Variants in PHF24 observed in about 807,000 individuals in gnomAD.
PHF24 encodes PHD finger protein 24.
PHF24 carries 25 observed loss-of-function variants against 42.6 expected under a neutral mutation model. The ratio of observed to expected loss-of-function variants is 0.59; its 90% CI spans 0.43 to 0.82. PHF24 has a LOEUF of 0.82. PHF24 is among the 40% of genes least tolerant of loss of function. The probability of loss-of-function intolerance (pLI) is 0.00; values close to 1 mark genes in which losing one functional copy is unlikely to be tolerated. For missense variants in PHF24, 470 were observed against 538.1 expected, an observed-to-expected ratio of 0.87 and a Z score of 1.25; for synonymous variants, 185 against 204.8, an observed-to-expected ratio of 0.90 and a Z score of 0.83.
chr9:34,940,063 T>A, the PHF24 span, among the ~76,000 whole-genome samples: 3 of 151,766 alleles, frequency 2.0e-5, no homozygotes, highest in Non-Finnish European at 4.4e-5. Flanking sequence ...AAAACACAGA[T>A]AAGACAGCTC....
At chr9:34,804,550 A>G in the PHF24 span, among the ~76,000 whole-genome samples, 1 of 152,162 alleles carries the variant, frequency 6.6e-6, no homozygotes, top group African/African-American at 2.4e-5. Flanking sequence ...GACTGTTTTT[A>G]TCTACATTAT....
chr9:34,765,583 C>G, the PHF24 span, among the ~76,000 whole-genome samples: 1 of 147,930 alleles, frequency 6.8e-6, no homozygotes, highest in African/African-American at 2.5e-5. Context: ...TTATTTTGAG[C>G]CTATGTGTGT....
At chr9:34,847,299 T>C in the PHF24 span, among the ~76,000 whole-genome samples, 2 of 152,218 alleles carry the variant, frequency 1.3e-5, no homozygotes, top group Non-Finnish European at 2.9e-5. Flanking sequence ...GTAGTTCTCC[T>C]TGAAGAGGTC....
intron 4 of PHF24, 146 bp downstream of exon 4, chr9:34,976,376 G>A (rs1827185349): frequency 3.1e-6 from 3 of 977,344 alleles, no homozygotes; most frequent in Non-Finnish European, 4.7e-6. Context: ...GGCCAGCAGA[G>A]TCACCTATCC....
At chr9:34,830,203 C>T in the PHF24 span, among the ~76,000 whole-genome samples, 1 of 152,226 alleles carries the variant, frequency 6.6e-6, no homozygotes, top group African/African-American at 2.4e-5. Context: ...TTAAAATCTG[C>T]ATTCTCCCCA....
the PHF24 span, among the ~76,000 whole-genome samples, chr9:34,842,394 T>G: frequency 1.3e-5 from 2 of 152,028 alleles, no homozygotes; most frequent in Non-Finnish European, 2.9e-5. Flanking sequence ...TATGCTAGGG[T>G]TTGAATGTGT....
chr9:34,852,005 A>G, the PHF24 span, among the ~76,000 whole-genome samples: 1 of 152,090 alleles, frequency 6.6e-6, no homozygotes, highest in Non-Finnish European at 1.5e-5. Context: ...CATGGGATCC[A>G]CTTATTTGTG....
chr9:34,818,917 A>G, the PHF24 span, among the ~76,000 whole-genome samples: 47 of 152,334 alleles, frequency 3.1e-4, no homozygotes, highest in East Asian at 8.7e-3. Context: ...GAATACTGGT[A>G]AGACCATCTG....
At chr9:34,733,639 C>T in the PHF24 span, among the ~76,000 whole-genome samples, 2 of 151,844 alleles carry the variant, frequency 1.3e-5, 1 homozygote, top group South Asian at 4.1e-4. Flanking sequence ...TAGCTGGGAT[C>T]ACAGGCATGT....
the PHF24 span, chr9:34,723,776 G>T: frequency 6.4e-7 from 1 of 1,551,616 alleles, no homozygotes; most frequent in East Asian, 2.4e-5. Context: ...GGCATTCTCA[G>T]GAATTGTCGC....
the PHF24 span, among the ~76,000 whole-genome samples, chr9:34,850,546 A>T: frequency 6.6e-6 from 1 of 152,078 alleles, no homozygotes; most frequent in Admixed American, 6.6e-5. Context: ...CTTTGTTTTG[A>T]ATTTCCTCCT....
the PHF24 span, among the ~76,000 whole-genome samples, chr9:34,913,443 T>C: frequency 6.6e-6 from 1 of 152,196 alleles, no homozygotes; most frequent in African/African-American, 2.4e-5. Context: ...TTAACTCTAT[T>C]GATAGAATAC....
the PHF24 span, among the ~76,000 whole-genome samples, chr9:34,937,421 G>A: frequency 0.01 from 1,569 of 152,272 alleles, 16 homozygotes; most frequent in Non-Finnish European, 0.017. Context: ...GGTGCAAGAT[G>A]TGCTTTGTTA....
At chr9:34,932,761 AAATT>A in the PHF24 span, among the ~76,000 whole-genome samples, 7 of 151,534 alleles carry the variant, frequency 4.6e-5, no homozygotes, top group Non-Finnish European at 8.8e-5. Context: ...ATTTTATATA[AAATT>A]AATAGTTTAT....
At chr9:34,737,663 A>G in the PHF24 span, among the ~76,000 whole-genome samples, 1 of 152,246 alleles carries the variant, frequency 6.6e-6, no homozygotes, top group Admixed American at 6.5e-5. Flanking sequence ...CCAACAATGT[A>G]TGACGAACCC....
chr9:34,905,606 T>C, the PHF24 span, among the ~76,000 whole-genome samples: 2 of 152,146 alleles, frequency 1.3e-5, no homozygotes, highest in African/African-American at 2.4e-5. Context: ...GCTGAAGTGA[T>C]CTGGGAAAGC....
At chr9:34,902,214 A>G in the PHF24 span, among the ~76,000 whole-genome samples, 1 of 152,202 alleles carries the variant, frequency 6.6e-6, no homozygotes, top group Admixed American at 6.5e-5. Flanking sequence ...TGTTACTATG[A>G]TTGTAAAAAT....
At chr9:34,781,205 C>T in the PHF24 span, among the ~76,000 whole-genome samples, 1 of 152,062 alleles carries the variant, frequency 6.6e-6, no homozygotes, top group African/African-American at 2.4e-5. Flanking sequence ...TCAACAATAA[C>T]CAGAAGATAG....
chr9:34,863,030 G>A, the PHF24 span, among the ~76,000 whole-genome samples: 1 of 151,862 alleles, frequency 6.6e-6, no homozygotes, highest in Non-Finnish European at 1.5e-5. Context: ...ATGGGGTGAG[G>A]TTCCTCTGCT....
Sources: gnomAD v4.1 joint callset for allele counts (sites outside exome capture counted in the v4.1 genomes callset) on GRCh38, gnomAD v4.1.1 for gene constraint, MANE v1.5 for transcripts, NCBI Gene and HGNC (gene_info 2026-07-23, HGNC 2026-07-21) for gene names.